Variants in PPFIA2 observed in about 807,000 individuals in gnomAD.
The protein encoded by PPFIA2 is liprin-alpha-2.
A neutral mutation model predicts 175.5 loss-of-function variants in PPFIA2; 46 were observed. The ratio of observed to expected loss-of-function variants is 0.26; its 90% CI spans 0.21 to 0.34. The LOEUF (loss-of-function observed/expected upper bound fraction) is 0.34. Ranked by LOEUF, PPFIA2 falls within the 10% of genes least tolerant of loss-of-function variation. PPFIA2 has a pLI of 1.00. For missense variants in PPFIA2, 1,179 were observed against 1,506.1 expected (o/e 0.78, Z 3.60); for synonymous variants, 568 against 511.4 (o/e 1.11, Z -1.49).
chr12:81,285,965 A>G lies in PPFIA2; in HGVS notation c.2926-1662T>C, dbSNP rs115185755. On this transcript the variant is annotated intron_variant, in intron 24 of 32. Coordinates refer to ENST00000549396, the MANE Select transcript of PPFIA2 (RefSeq NM_003625.5). The stretch of plus-strand genomic sequence containing the variant: ...CAGCTCCATGTGTGTTACTGCCCCA[A>G]TGACTTTTCAGTGGAACAGAATATG... 7.3e-3 allele frequency among the ~76,000 whole-genome samples: 1,111 copies of G among 152,160 alleles called. 14 individuals are homozygous for G. The highest frequency in any genetic ancestry group is 0.025 in the African/African-American group (1,018 of 41,540).
chr12:81,383,922 T>C (rs2038343568), intron 9 of PPFIA2, 101 bp downstream of exon 9: 2 of 923,428 alleles, frequency 2.2e-6, no homozygotes, highest in Non-Finnish European at 3.3e-6. Context: ...TATGGTCTTT[T>C]GAGAAGTAAA....
intron 22 of PPFIA2, among the ~76,000 whole-genome samples, chr12:81,323,529 G>GT (rs2054128544): frequency 6.6e-6 from 1 of 151,902 alleles, no homozygotes; most frequent in Non-Finnish European, 1.5e-5. Flanking sequence ...AGAAAAGAGT[G>GT]TAACTCATTA....
At chr12:81,416,534 C>T (rs1227892198) in intron 7 of PPFIA2, among the ~76,000 whole-genome samples, 1 of 151,654 alleles carries the variant, frequency 6.6e-6, no homozygotes, top group African/African-American at 2.4e-5. Context: ...TTCTCACCTC[C>T]TTGAACAAGA....
At chr12:81,454,313 G>A (rs2145675182) in intron 5 of PPFIA2, among the ~76,000 whole-genome samples, 1 of 152,272 alleles carries the variant, frequency 6.6e-6, no homozygotes, top group Middle Eastern at 3.4e-3. Flanking sequence ...GGGTGACATA[G>A]GAATATGATT....
intron 4 of PPFIA2, among the ~76,000 whole-genome samples, chr12:81,493,357 G>C (rs2059621705): frequency 6.6e-6 from 1 of 152,044 alleles, no homozygotes; most frequent in African/African-American, 2.4e-5. Context: ...ACACTTCTCA[G>C]TGTTCAGATG....
At chr12:81,554,960 T>G (rs1266431893) in intron 4 of PPFIA2, among the ~76,000 whole-genome samples, 1 of 152,016 alleles carries the variant, frequency 6.6e-6, no homozygotes, top group Non-Finnish European at 1.5e-5. Flanking sequence ...TCTCTAAAGA[T>G]AGACATTTTT....
intron 4 of PPFIA2, among the ~76,000 whole-genome samples, chr12:81,542,338 T>C (rs1165749299): frequency 6.6e-6 from 1 of 152,138 alleles, no homozygotes; most frequent in African/African-American, 2.4e-5. Flanking sequence ...AGCATGGCTC[T>C]GCCAGCACCT....
intron 24 of PPFIA2, among the ~76,000 whole-genome samples, chr12:81,293,713 T>TC (rs2045661611): frequency 6.6e-6 from 1 of 151,836 alleles, no homozygotes; most frequent in Admixed American, 6.6e-5. Context: ...TAATACAACC[T>TC]CTATGGAAGA....
intron 4 of PPFIA2, among the ~76,000 whole-genome samples, chr12:81,458,101 C>G (rs1381801506): frequency 6.6e-6 from 1 of 152,010 alleles, no homozygotes; most frequent in African/African-American, 2.4e-5. Flanking sequence ...AAGTATATTT[C>G]AAAATATATC....
chr12:81,618,777 C>G (rs956459700), intron 4 of PPFIA2, among the ~76,000 whole-genome samples: 10 of 151,942 alleles, frequency 6.6e-5, no homozygotes, highest in South Asian at 4.1e-4. Flanking sequence ...CGTGATCCAC[C>G]CGCCTCGGCC....
intron 8 of PPFIA2, 115 bp from the exon 9 acceptor site, chr12:81,384,359 C>A: frequency 1.3e-6 from 1 of 793,380 alleles, no homozygotes; most frequent in Non-Finnish European, 1.9e-6. Flanking sequence ...ATAAGAAATT[C>A]TGAAAAGAAC....
Position 81,294,889 on chromosome 12 carries a change from T to C in PPFIA2, c.2871A>G (p.Ala957=), listed in dbSNP as rs1015716460. The change falls in exon 24 of 33, where the codon GCA becomes GCG. Residue 957 remains alanine, a synonymous_variant. Coordinates refer to ENST00000549396, the MANE Select transcript of PPFIA2 (RefSeq NM_003625.5). ...TTGTTAGGGAAACCATCTCCTGGAT[T>C]GCTAATCGAAGTTTTAAGCGATGCA... ...NPLHRLKLRL[A]IQEMVSLTSP... is the part of the protein sequence containing the mutation. 2.5e-6 allele frequency: 4 copies of C among 1,613,470 alleles called. No individual in the cohort carries two copies. The highest frequency in any genetic ancestry group is 3.4e-6 in the Non-Finnish European group (4 of 1,179,722).
intron 17 of PPFIA2, among the ~76,000 whole-genome samples, chr12:81,349,825 T>C (rs2059706860): frequency 6.6e-6 from 1 of 152,166 alleles, no homozygotes; most frequent in African/African-American, 2.4e-5. Context: ...AACATTGCTG[T>C]GGCAAATGAG....
At chr12:81,552,117 C>G (rs2068031389) in intron 4 of PPFIA2, among the ~76,000 whole-genome samples, 1 of 151,384 alleles carries the variant, frequency 6.6e-6, no homozygotes, top group African/African-American at 2.4e-5. Flanking sequence ...ATATTTATCA[C>G]TATTATAGTA....
chr12:81,659,742 C>T (rs566476394), intron 4 of PPFIA2, among the ~76,000 whole-genome samples: 9 of 152,176 alleles, frequency 5.9e-5, no homozygotes, highest in African/African-American at 9.7e-5. Flanking sequence ...GATCTGAGAA[C>T]GGACAGACTG....
chr12:81,628,228 G>A (rs1279579020), intron 4 of PPFIA2, among the ~76,000 whole-genome samples: 1 of 152,072 alleles, frequency 6.6e-6, no homozygotes, highest in African/African-American at 2.4e-5. Flanking sequence ...TATCATCAAA[G>A]ATGGATTAAG....
chr12:81,754,320 C>G, intron 2 of PPFIA2, 97 bp from the exon 3 acceptor site: 2 of 1,424,958 alleles, frequency 1.4e-6, no homozygotes, highest in Non-Finnish European at 1.9e-6. Flanking sequence ...AGCTTATTAG[C>G]CTATTTGTCT....
chr12:81,511,254 C>T (rs1479100343), intron 4 of PPFIA2, among the ~76,000 whole-genome samples: 2 of 151,860 alleles, frequency 1.3e-5, no homozygotes, highest in East Asian at 1.9e-4. Flanking sequence ...TTTGAAAATG[C>T]GTATACAAAG....
At chr12:81,487,254 A>T (rs1294714244) in intron 4 of PPFIA2, among the ~76,000 whole-genome samples, 1 of 151,942 alleles carries the variant, frequency 6.6e-6, no homozygotes, top group Non-Finnish European at 1.5e-5. Flanking sequence ...TAAAGTCTCC[A>T]GCTCTCGAAG....
Sources: allele counts gnomAD v4.1 joint callset (sites outside exome capture counted in the v4.1 genomes callset), GRCh38; gene constraint gnomAD v4.1.1; transcripts MANE v1.5; gene names NCBI Gene and HGNC (gene_info 2026-07-23, HGNC 2026-07-21).